Variants in SIMC1 observed in about 807,000 individuals in gnomAD.
SIMC1 encodes SUMO-interacting motif-containing protein 1.
In SIMC1, 55 loss-of-function variants were observed where a neutral mutation model predicts 82.3. That is an observed-to-expected ratio of 0.67 (90% CI 0.54 to 0.84). The LOEUF is 0.84. SIMC1 is among the 40% of genes least tolerant of loss of function. The probability of loss-of-function intolerance (pLI) is 0.00; values close to 1 mark genes in which losing one functional copy is unlikely to be tolerated. For missense variants in SIMC1, 915 were observed against 1,107.2 expected (o/e 0.83, Z 2.46); for synonymous variants, 353 against 426.3 (o/e 0.83, Z 2.12).
chr5:176,331,283 TG>T (rs1309686173), intron 7 of SIMC1, among the ~76,000 whole-genome samples: 3 of 149,290 alleles, frequency 2.0e-5, no homozygotes, highest in African/African-American at 7.4e-5. Flanking sequence ...GGCAGGAGAA[TG>T]GCGTGAACCC....
At chr5:176,247,757 T>G (rs1341385599) in intron 1 of SIMC1, among the ~76,000 whole-genome samples, 2 of 151,704 alleles carry the variant, frequency 1.3e-5, no homozygotes, top group Non-Finnish European at 2.9e-5. Context: ...ATTTAAGTCT[T>G]TAATCCATCT....
At chr5:176,344,029 T>TC (rs1304375546) in intron 9 of SIMC1, among the ~76,000 whole-genome samples, 1 of 152,150 alleles carries the variant, frequency 6.6e-6, no homozygotes, top group East Asian at 1.9e-4. Context: ...ACTCCTGACC[T>TC]CAGGTGATCT....
Position 176,254,347 on chromosome 5 carries a change from G to A in SIMC1, c.129+15710G>A, listed in dbSNP as rs7733375. Among the ~76,000 whole-genome samples the A allele has an allele frequency of 2.9e-3, 434 of 152,088 alleles. 1 individual carries two copies. Among genetic ancestry groups the A allele is most frequent in the Middle Eastern group, 0.01 (3 of 294 alleles). Reference sequence around the variant, plus strand: ...TCTAACGTCTAGGGAAAAGCTGTCTGCAGCATGAAAATGTCAACTTATTGT... The same window carrying A: ...TCTAACGTCTAGGGAAAAGCTGTCTACAGCATGAAAATGTCAACTTATTGT... On this transcript the variant is annotated intron_variant, in intron 1 of 9. Transcript: ENST00000429602.
intron 1 of SIMC1, among the ~76,000 whole-genome samples, chr5:176,273,377 G>A (rs1762532511): frequency 1.3e-5 from 2 of 152,132 alleles, no homozygotes; most frequent in South Asian, 2.1e-4. Flanking sequence ...GGTCCTGACT[G>A]TTAGAAGGAA....
intron 1 of SIMC1, among the ~76,000 whole-genome samples, chr5:176,259,372 C>A (rs1561674989): frequency 6.6e-6 from 1 of 151,910 alleles, no homozygotes; most frequent in Non-Finnish European, 1.5e-5. Flanking sequence ...ATCACTTGAA[C>A]CTGGGAGGCA....
intron 4 of SIMC1, chr5:176,308,902 C>G (rs940971441): frequency 7.6e-7 from 1 of 1,309,036 alleles, no homozygotes; most frequent in Non-Finnish European, 1.1e-6. Flanking sequence ...CAGCAGTCAG[C>G]GGGCCTCTTC....
intron 1 of SIMC1, among the ~76,000 whole-genome samples, chr5:176,288,015 G>A (rs1352121815): frequency 6.6e-6 from 1 of 152,138 alleles, no homozygotes; most frequent in Admixed American, 6.6e-5. Context: ...TGAAAGACAA[G>A]AAACTCCAAA....
chr5:176,252,227 C>A (rs1367262216), intron 1 of SIMC1, among the ~76,000 whole-genome samples: 3 of 150,280 alleles, frequency 2.0e-5, no homozygotes, highest in African/African-American at 4.9e-5. Context: ...GCCCCCCCCA[C>A]CTCCCTCCCG....
At chr5:176,287,561 A>G (rs866048885) in intron 1 of SIMC1, among the ~76,000 whole-genome samples, 5 of 152,194 alleles carry the variant, frequency 3.3e-5, no homozygotes, top group African/African-American at 9.7e-5. Context: ...GCACACCAAC[A>G]TCGCACATGT....
At chr5:176,281,266 T>G (rs1762993340) in intron 1 of SIMC1, among the ~76,000 whole-genome samples, 1 of 152,270 alleles carries the variant, frequency 6.6e-6, no homozygotes, top group Non-Finnish European at 1.5e-5. Flanking sequence ...TCTCGAGCCT[T>G]GGCTTTCAGC....
chr5:176,316,582 G>A (rs1197570033), intron 5 of SIMC1, among the ~76,000 whole-genome samples: 1 of 151,708 alleles, frequency 6.6e-6, no homozygotes, highest in Non-Finnish European at 1.5e-5. Flanking sequence ...CCAGCTACTT[G>A]AGAGGCTGAG....
intron 1 of SIMC1, among the ~76,000 whole-genome samples, chr5:176,269,398 T>A (rs1207501074): frequency 2.0e-5 from 3 of 152,276 alleles, no homozygotes; most frequent in Non-Finnish European, 4.4e-5. Flanking sequence ...TGAACAATTT[T>A]ATGCCAATAA....
chr5:176,258,776 C>G (rs1252801959), intron 1 of SIMC1, among the ~76,000 whole-genome samples: 2 of 151,446 alleles, frequency 1.3e-5, no homozygotes, highest in East Asian at 3.9e-4. Flanking sequence ...TAACTTGGGT[C>G]TTAAATCAAG....
chr5:176,343,118 G>A (rs6889763), intron 9 of SIMC1, among the ~76,000 whole-genome samples: 111,667 of 152,062 alleles, frequency 0.73, 41,154 homozygotes, highest in Middle Eastern at 0.85. Context: ...GAGAGATTTT[G>A]CTTTTCCATC....
rs189800802 is a variant in SIMC1, at chr5:176,256,423, G to C, written c.129+17786G>C. On this transcript the variant is annotated intron_variant, in intron 1 of 9. Transcript: ENST00000429602. ...AATTTCTTTTGTAAATTCATCCTTCGCAAACTTTCCATGATATACTCAGAC... is the reference window on the plus strand; with the variant it reads ...AATTTCTTTTGTAAATTCATCCTTCCCAAACTTTCCATGATATACTCAGAC... Among the ~76,000 whole-genome samples the C allele has an allele frequency of 2.3e-3, 356 of 152,036 alleles. 2 individuals carry two copies. The highest frequency in any genetic ancestry group is 8.1e-3 in the African/African-American group (337 of 41,482).
At chr5:176,260,588 T>TC (rs1021666023) in intron 1 of SIMC1, among the ~76,000 whole-genome samples, 11 of 148,578 alleles carry the variant, frequency 7.4e-5, no homozygotes, top group South Asian at 2.2e-4. Context: ...CGGTTTTTTT[T>TC]CTCTGCATTT....
chr5:176,248,796 T>C (rs1326603665), intron 1 of SIMC1, among the ~76,000 whole-genome samples: 1 of 152,116 alleles, frequency 6.6e-6, no homozygotes, highest in East Asian at 1.9e-4. Flanking sequence ...ACCTAGTTTA[T>C]GGAGAGTTTT....
rs1488509301 is a variant in SIMC1 at position 176,277,355 on chromosome 5, G to A, written c.130-12299G>A. Among the ~76,000 whole-genome samples, 3 of 151,898 alleles carry A rather than the reference G, an allele frequency of 2.0e-5. 1 individual carries two copies. The highest frequency in any genetic ancestry group is 7.3e-5 in the African/African-American group (3 of 41,226). ...TGTAGATTCTGGATATTAGCCCTTT[G>A]TCTGATGAGTGGGTTGCAAAAATTT... is the stretch of plus-strand genomic sequence containing the variant. On this transcript the variant is annotated intron_variant, in intron 1 of 9. Transcript: ENST00000429602.
intron 4 of SIMC1, chr5:176,308,306 A>T (rs1764513959): frequency 2.1e-6 from 3 of 1,452,436 alleles, no homozygotes; most frequent in Non-Finnish European, 1.9e-6. Context: ...CATCTTAACG[A>T]CGTTCTGATA....
Sources: gnomAD v4.1 joint callset for allele counts (sites outside exome capture counted in the v4.1 genomes callset) on GRCh38, gnomAD v4.1.1 for gene constraint, MANE v1.5 for transcripts, NCBI Gene and HGNC (gene_info 2026-07-23, HGNC 2026-07-21) for gene names.